The following CUEDC1 variants were observed in gnomAD, a reference collection of about 807,000 sequenced individuals.
CUEDC1 encodes CUE domain-containing protein 1.
CUEDC1 carries 30 observed loss-of-function variants against 43.7 expected under a neutral mutation model. The ratio of observed to expected loss-of-function variants is 0.69; its 90% CI spans 0.51 to 0.93. The LOEUF is 0.93. Ranked by LOEUF, CUEDC1 falls within the 40% of genes least tolerant of loss-of-function variation. The pLI is 0.00. For missense variants in CUEDC1, 486 were observed against 549.0 expected, an observed-to-expected ratio of 0.89 and a Z score of 1.15; for synonymous variants, 223 against 223.6, an observed-to-expected ratio of 1.00 and a Z score of 0.02.
chr17:57,868,149 C>G lies in CUEDC1; in HGVS notation c.1034+1G>C, dbSNP rs777359766. On this transcript the variant is annotated splice_donor_variant, in intron 8 of 10. Transcript: ENST00000577830. LOFTEE classifies it high-confidence loss of function. Reference sequence around the variant, plus strand: ...CACCAGTGCCAGGCTGGAAAGGATACGACTGATGCTTCAACAAGTGTTTCC... The same window carrying G: ...CACCAGTGCCAGGCTGGAAAGGATAGGACTGATGCTTCAACAAGTGTTTCC... 6.2e-7 allele frequency: 1 copy of G among 1,612,826 alleles called. No homozygotes were observed. The highest frequency in any genetic ancestry group is 1.1e-5 in the South Asian group (1 of 91,056).
At chr17:57,874,907 AGCT>A (rs1193113446) in intron 3 of CUEDC1, among the ~76,000 whole-genome samples, 1 of 152,162 alleles carries the variant, frequency 6.6e-6, no homozygotes, top group African/African-American at 2.4e-5. Context: ...AGGGATAACC[AGCT>A]GCTAAGTGCC....
chr17:57,863,339 C>T (rs905291328), intron 10 of CUEDC1, 54 bp from the exon 11 acceptor site: 2 of 152,370 alleles, frequency 1.3e-5, no homozygotes, highest in Non-Finnish European at 1.5e-5. Flanking sequence ...GCCCAATGGT[C>T]TTTCCTGGTC....
At chr17:57,871,856 G>T (rs970384436) in intron 5 of CUEDC1, among the ~76,000 whole-genome samples, 2 of 152,236 alleles carry the variant, frequency 1.3e-5, no homozygotes, top group African/African-American at 4.8e-5. Context: ...CCTGGGAGGC[G>T]GAGGTTGCAG....
intron 2 of CUEDC1, among the ~76,000 whole-genome samples, chr17:57,881,815 G>C (rs911226781): frequency 6.6e-6 from 1 of 152,154 alleles, no homozygotes; most frequent in Non-Finnish European, 1.5e-5. Flanking sequence ...AGCCTCCCAG[G>C]GCAGCAAGAC....
intron 1 of CUEDC1, among the ~76,000 whole-genome samples, chr17:57,931,081 G>A (rs1192703594): frequency 2.6e-5 from 4 of 152,242 alleles, no homozygotes; most frequent in African/African-American, 7.2e-5. Context: ...TCGAGCTCAG[G>A]AGTTCGAGAC....
chr17:57,872,253 C>G (rs1335680439), intron 5 of CUEDC1, among the ~76,000 whole-genome samples: 1 of 152,260 alleles, frequency 6.6e-6, no homozygotes, highest in African/African-American at 2.4e-5. Context: ...TCAAGAGCCT[C>G]CCCCGCCCTG....
chr17:57,924,540 G>A (rs1021552264), intron 1 of CUEDC1, among the ~76,000 whole-genome samples: 10 of 152,140 alleles, frequency 6.6e-5, no homozygotes, highest in African/African-American at 2.4e-5. Context: ...CGTGTGTTGC[G>A]TGGCTAAGCA....
At chr17:57,870,072 CTGGGAT>C (rs2074013190) in intron 6 of CUEDC1, 5 of 152,630 alleles carry the variant, frequency 3.3e-5, no homozygotes, top group Non-Finnish European at 7.3e-5. Context: ...TCCCTTCAAG[CTGGGAT>C]CAGCTCAGCT....
chr17:57,874,418 C>T (rs1011762387), intron 3 of CUEDC1, among the ~76,000 whole-genome samples: 2 of 152,194 alleles, frequency 1.3e-5, no homozygotes, highest in African/African-American at 4.8e-5. Flanking sequence ...GAAGGGATCT[C>T]GCTCTCAGGG....
rs1262373034 is a variant in CUEDC1, at chr17:57,954,291, C to T, written c.-316+934G>A. On this transcript the variant is annotated intron_variant, in intron 1 of 10. Transcript: ENST00000577830. The surrounding 1 kb of genome is among the most constrained non-coding windows in gnomAD (Gnocchi z 4.3). ...CTTGTATCCTCTATCGCCTCCAGGGCATCTTGTTTCTAAACTCCCAGGGAG... is the reference window on the plus strand; with the variant it reads ...CTTGTATCCTCTATCGCCTCCAGGGTATCTTGTTTCTAAACTCCCAGGGAG... Among the ~76,000 whole-genome samples, 1 of 152,124 alleles carries T rather than the reference C, an allele frequency of 6.6e-6. No homozygotes were observed. Among genetic ancestry groups the T allele is most frequent in the African/African-American group, 2.4e-5 (1 of 41,404 alleles).
rs748036362 is a variant in CUEDC1 at position 57,872,843 on chromosome 17, C to G, written c.604G>C (p.Gly202Arg). The G allele has an allele frequency of 3.7e-6, 6 of 1,612,896 alleles. No homozygotes were observed. The South Asian group carries it at 6.6e-5, about 18-fold the overall frequency. The change falls in exon 5 of 11, where the codon GGC becomes CGC. Residue 202 changes from glycine (G) to arginine (R), a missense_variant. Transcript: ENST00000577830. The part of the protein sequence containing the change: ...QLDSIQGNAG[G>R]PKPGSGEGCP... ...CCCTCTCCACTCCCAGGCTTGGGGC[C>G]CCCAGCGTTACCCTGAGGAGGGAAG...
chr17:57,940,851 C>T (rs1374404492), intron 1 of CUEDC1, among the ~76,000 whole-genome samples: 1 of 152,214 alleles, frequency 6.6e-6, no homozygotes, highest in Non-Finnish European at 1.5e-5. Flanking sequence ...ATAAGCCCCA[C>T]TTGGGACTAA....
intron 2 of CUEDC1, among the ~76,000 whole-genome samples, chr17:57,883,047 C>T (rs752362406): frequency 1.3e-5 from 2 of 152,276 alleles, no homozygotes; most frequent in South Asian, 2.1e-4. Flanking sequence ...CACATACATA[C>T]GCATACTCTC....
chr17:57,939,560 G>A (rs1419237058), intron 1 of CUEDC1, among the ~76,000 whole-genome samples: 1 of 152,150 alleles, frequency 6.6e-6, no homozygotes. Flanking sequence ...CATTACAGGC[G>A]TGAACCATTT....
At chr17:57,890,218 G>T (rs78581117) in intron 1 of CUEDC1, among the ~76,000 whole-genome samples, 4,272 of 152,318 alleles carry the variant, frequency 0.028, 90 homozygotes, top group Non-Finnish European at 0.045. Flanking sequence ...GGCTCACAGG[G>T]CTATGAGCCA....
intron 6 of CUEDC1, among the ~76,000 whole-genome samples, chr17:57,870,834 G>A (rs924987860): frequency 6.6e-6 from 1 of 152,056 alleles, no homozygotes; most frequent in Non-Finnish European, 1.5e-5. Context: ...AGGCCAATAT[G>A]CCCAGCTAAT....
At position 57,930,365 on chromosome 17, in the gene CUEDC1, G is replaced by A. The variant is rs187957127; in HGVS notation, c.-316+24860C>T. ...ACCAGTTAGCACTGGCTGTGAGGAG[G>A]CCAGAAGGTAGCCCTTACAAACACC... On this transcript the variant is annotated intron_variant, in intron 1 of 10. Transcript: ENST00000577830. The surrounding 1 kb of genome is among the most constrained non-coding windows in gnomAD (Gnocchi z 4.2). Among the ~76,000 whole-genome samples the A allele has an allele frequency of 6.6e-6, 1 of 152,350 alleles. No individual in the cohort carries two copies. Among genetic ancestry groups the A allele is most frequent in the East Asian group, 1.9e-4 (1 of 5,178 alleles).
intron 1 of CUEDC1, among the ~76,000 whole-genome samples, chr17:57,914,563 A>G (rs1005394040): frequency 5.9e-5 from 9 of 152,146 alleles, no homozygotes; most frequent in African/African-American, 1.9e-4. Context: ...AGGGTCTGGG[A>G]GTCAGCAGTC....
At chr17:57,872,179 C>G (rs1450738181) in intron 5 of CUEDC1, among the ~76,000 whole-genome samples, 1 of 152,260 alleles carries the variant, frequency 6.6e-6, no homozygotes. Flanking sequence ...GGAGCAGGGT[C>G]TCCAACCCAG....
Sources: allele counts gnomAD v4.1 joint callset (sites outside exome capture counted in the v4.1 genomes callset), GRCh38; gene constraint gnomAD v4.1.1; non-coding constraint Gnocchi (gnomAD v3.1); transcripts MANE v1.5; gene names NCBI Gene and HGNC (gene_info 2026-07-23, HGNC 2026-07-21).